SPATA31H1: variants seen among roughly 807,000 people sequenced by gnomAD.
The protein encoded by SPATA31H1 is spermatogenesis-associated protein 31H1.
the SPATA31H1 span, chr2:27,569,356 G>T: frequency 2.9e-4 from 116 of 398,930 alleles, no homozygotes; most frequent in African/African-American, 2.2e-3. Context: ...GAAACTGTGG[G>T]GTTGGCATTG....
At chr2:27,563,474 C>T in the SPATA31H1 span, among the ~76,000 whole-genome samples, 2 of 138,072 alleles carry the variant, frequency 1.4e-5, no homozygotes, top group African/African-American at 5.5e-5. Flanking sequence ...CATCTCACTG[C>T]AGCCTTGACC....
At chr2:27,548,722 A>G in the SPATA31H1 span, among the ~76,000 whole-genome samples, 1 of 151,660 alleles carries the variant, frequency 6.6e-6, no homozygotes, top group Non-Finnish European at 1.5e-5. Context: ...AGTGTCTTCT[A>G]ATCTGTAAAT....
chr2:27,545,764 T>C, the SPATA31H1 span, among the ~76,000 whole-genome samples: 58 of 151,852 alleles, frequency 3.8e-4, no homozygotes, highest in South Asian at 8.3e-4. Flanking sequence ...GGTTTCACCA[T>C]GTTGGCCAGG....
At chr2:27,565,869 T>C in the SPATA31H1 span, among the ~76,000 whole-genome samples, 1 of 152,238 alleles carries the variant, frequency 6.6e-6, no homozygotes, top group South Asian at 2.1e-4. Context: ...CAGCATAGTA[T>C]GGCTTTTTGA....
the SPATA31H1 span, chr2:27,571,165 A>C: frequency 2.5e-6 from 1 of 398,368 alleles, no homozygotes; most frequent in Admixed American, 4.4e-5. Flanking sequence ...CCAGAGCCAG[A>C]ATTGGAAGAT....
At chr2:27,537,438 T>C in the SPATA31H1 span, 1 of 717,374 alleles carries the variant, frequency 1.4e-6, no homozygotes, top group South Asian at 1.5e-5. Flanking sequence ...TGGCACCAAT[T>C]TGGGGGATGG....
the SPATA31H1 span, among the ~76,000 whole-genome samples, chr2:27,562,843 C>T: frequency 6.0e-5 from 9 of 148,872 alleles, no homozygotes; most frequent in East Asian, 2.0e-4. Context: ...GCTGAGATCG[C>T]GCCACTGCAC....
At chr2:27,580,484 C>A in the SPATA31H1 span, 1 of 1,614,172 alleles carries the variant, frequency 6.2e-7, no homozygotes, top group Non-Finnish European at 8.5e-7. Flanking sequence ...GAAAGTTCTA[C>A]ACAAACAGTA....
chr2:27,541,753 G>A, the SPATA31H1 span, among the ~76,000 whole-genome samples: 1 of 151,888 alleles, frequency 6.6e-6, no homozygotes, highest in Non-Finnish European at 1.5e-5. Context: ...TGTTCAATAT[G>A]GTATCTGCTA....
At chr2:27,545,950 G>A in the SPATA31H1 span, among the ~76,000 whole-genome samples, 1 of 151,934 alleles carries the variant, frequency 6.6e-6, no homozygotes, top group Admixed American at 6.6e-5. Flanking sequence ...TTATGATAAT[G>A]TGCAACTTCT....
At chr2:27,578,920 A>G in the SPATA31H1 span, 1 of 1,614,062 alleles carries the variant, frequency 6.2e-7, no homozygotes. Context: ...ACCTATATAG[A>G]CCCTACTATG....
the SPATA31H1 span, chr2:27,581,616 T>C: frequency 8.7e-6 from 14 of 1,601,972 alleles, no homozygotes; most frequent in East Asian, 3.2e-4. Flanking sequence ...TCGCGGTCCC[T>C]CAGAGAGAAG....
chr2:27,578,872 T>C, the SPATA31H1 span: 2,894 of 1,614,162 alleles, frequency 1.8e-3, 40 homozygotes, highest in African/African-American at 0.03. Context: ...GCTTTGGATA[T>C]AAAAAACCCT....
At chr2:27,581,625 A>G in the SPATA31H1 span, 172 of 1,602,882 alleles carry the variant, frequency 1.1e-4, no homozygotes, top group African/African-American at 2.0e-3. Context: ...CTCAGAGAGA[A>G]GCCATTGCAG....
At chr2:27,581,362 A>G in the SPATA31H1 span, 2 of 1,594,268 alleles carry the variant, frequency 1.3e-6, no homozygotes, top group African/African-American at 2.9e-5. Context: ...TCTAGGAAAA[A>G]CCATTCCAGT....
chr2:27,578,431 T>C, the SPATA31H1 span: 1 of 1,613,932 alleles, frequency 6.2e-7, no homozygotes, highest in Non-Finnish European at 8.5e-7. Context: ...CCAATAGGAG[T>C]AGCCCTAGAA....
chr2:27,557,960 G>A, the SPATA31H1 span, among the ~76,000 whole-genome samples: 1 of 2,052 alleles, frequency 4.9e-4, no homozygotes, highest in Non-Finnish European at 1.8e-3. Flanking sequence ...GCCAGGCAGA[G>A]GGGCTCCTCA....
chr2:27,549,301 G>C, the SPATA31H1 span, among the ~76,000 whole-genome samples: 6 of 151,618 alleles, frequency 4.0e-5, no homozygotes, highest in Non-Finnish European at 7.4e-5. Flanking sequence ...ATAATGTCTG[G>C]TTTGGTGTGG....
chr2:27,582,278 C>T, the SPATA31H1 span: 17 of 1,613,998 alleles, frequency 1.1e-5, no homozygotes, highest in Non-Finnish European at 1.4e-5. Flanking sequence ...GGAGCCATCG[C>T]AGTTCCTGTG....
Sources: allele counts gnomAD v4.1 joint callset (sites outside exome capture counted in the v4.1 genomes callset), GRCh38; gene constraint gnomAD v4.1.1; transcripts MANE v1.5; gene names NCBI Gene and HGNC (gene_info 2026-07-23, HGNC 2026-07-21).